Variants in F8 observed in about 807,000 individuals in gnomAD.
F8 encodes the protein antihemophilic factor.
Under a neutral mutation model 140.6 loss-of-function variants are expected in F8, and 12 were observed. The ratio of observed to expected loss-of-function variants is 0.09; its 90% CI spans 0.05 to 0.14. F8 has a LOEUF of 0.14. F8 is among the 10% of genes least tolerant of loss of function. The probability of loss-of-function intolerance (pLI) is 1.00; values close to 1 mark genes in which losing one functional copy is unlikely to be tolerated. For missense variants in F8, 1,354 were observed against 1,720.7 expected (o/e 0.79, Z 3.77); for synonymous variants, 585 against 614.6 (o/e 0.95, Z 0.71).
chrX:154,880,297 A>G (rs1176716600), intron 22 of F8, among the ~76,000 whole-genome samples: 2 of 111,894 alleles, frequency 1.8e-5, no homozygotes, highest in Non-Finnish European at 3.8e-5. Context: ...AAAGTAGCAG[A>G]TGCAAGAAGG....
At position 154,984,500 on chromosome X, in the gene F8, A is replaced by C. The variant is rs145392240; in HGVS notation, c.787+187T>G. On this transcript the variant is annotated intron_variant, in intron 6 of 25. Transcript: ENST00000360256. ...ACTGTGGGCTGTATGTACATGGGTA[A>C]GCCTTCATTTTCAGGTGACCAAAAG... is the stretch of plus-strand genomic sequence containing the variant. Among the ~76,000 whole-genome samples the C allele has an allele frequency of 9.2e-3, 1,032 of 111,765 alleles. 11 individuals are homozygous for C. The highest frequency in any genetic ancestry group is 0.032 in the African/African-American group (983 of 30,742).
chrX:154,848,811 C>G (rs2072591963), intron 25 of F8, among the ~76,000 whole-genome samples: 1 of 111,311 alleles, frequency 9.0e-6, no homozygotes, highest in Non-Finnish European at 1.9e-5. Flanking sequence ...CACTGTCCGA[C>G]AAGCCACAGT....
chrX:154,917,277 G>A (rs914938163), intron 14 of F8, among the ~76,000 whole-genome samples: 2 of 112,083 alleles, frequency 1.8e-5, no homozygotes, highest in Non-Finnish European at 3.8e-5. Context: ...TCTGTAAAAT[G>A]TCAGGTAGGT....
At chrX:154,998,318 C>T (rs940112980) in intron 2 of F8, among the ~76,000 whole-genome samples, 1 of 113,218 alleles carries the variant, frequency 8.8e-6, no homozygotes, top group African/African-American at 3.2e-5. Flanking sequence ...TGCTTTCCCA[C>T]CTTCCTCTCC....
chrX:154,869,095 T>C (rs1194265254), intron 22 of F8, among the ~76,000 whole-genome samples: 4 of 111,241 alleles, frequency 3.6e-5, no homozygotes, highest in Admixed American at 9.6e-5. Context: ...CACACAATAA[T>C]AGTGGGATAC....
At chrX:154,956,719 G>A (rs782472538) in intron 11 of F8, among the ~76,000 whole-genome samples, 3 of 111,256 alleles carry the variant, frequency 2.7e-5, no homozygotes, top group Non-Finnish European at 3.8e-5. Context: ...AAAATGGGGA[G>A]GATCAGCTAG....
intron 22 of F8, among the ~76,000 whole-genome samples, chrX:154,876,115 A>ATTT (rs58675912): frequency 2.2e-4 from 18 of 81,436 alleles, no homozygotes; most frequent in African/African-American, 3.6e-4. Context: ...TATCATGGGA[A>ATTT]TTTTTTTTTT....
chrX:154,844,522 G>T (rs2072547926), intron 25 of F8, among the ~76,000 whole-genome samples: 1 of 110,202 alleles, frequency 9.1e-6, no homozygotes, highest in South Asian at 3.9e-4. Context: ...TTGTAAGTTG[G>T]ATTCCTAGGT....
At chrX:154,961,232 G>A (rs2073394330) in intron 9 of F8, 64 bp from the exon 10 acceptor site, 2 of 730,184 alleles carry the variant, frequency 2.7e-6, no homozygotes, top group South Asian at 2.2e-5. Flanking sequence ...AGAAAACTGT[G>A]GTCTAACTCC....
In F8 at chrX:154,837,396, G is replaced by C; in HGVS notation, c.*201C>G. On this transcript the variant is annotated 3_prime_UTR_variant, in exon 26 of 26. Transcript: ENST00000360256. ...AATCTGGGAGCAGCTGCAGAAAATA[G>C]GTAAGAGTTAAGTTAAATTGGATGC... The C allele has an allele frequency of 4.5e-6, 2 of 445,621 alleles. No homozygotes were observed. The highest frequency in any genetic ancestry group is 7.7e-6 in the Non-Finnish European group (2 of 259,467). 36.7% of individuals were successfully genotyped at this position (445,621 alleles called of 1,213,427 possible). A position where few individuals can be genotyped will look rare whatever the true frequency, so the allele number is the denominator to read the frequency against.
intron 21 of F8, among the ~76,000 whole-genome samples, chrX:154,896,527 AC>A (rs2072981457): frequency 9.0e-6 from 1 of 110,714 alleles, no homozygotes; most frequent in South Asian, 3.8e-4. Flanking sequence ...ACACACACAC[AC>A]ACACACACAT....
At chrX:154,986,151 T>C (rs911837391) in intron 5 of F8, among the ~76,000 whole-genome samples, 1 of 112,219 alleles carries the variant, frequency 8.9e-6, no homozygotes, top group African/African-American at 3.2e-5. Context: ...AAACTGCATA[T>C]GCAGAGGTCT....
intron 22 of F8, among the ~76,000 whole-genome samples, chrX:154,879,112 AT>A (rs141652423): frequency 0.019 from 1,999 of 107,108 alleles, 47 homozygotes; most frequent in African/African-American, 0.063. Flanking sequence ...CCCAATGGCC[AT>A]TTTTTTTTTG....
chrX:154,868,548 A>C (rs2072748393), intron 22 of F8, among the ~76,000 whole-genome samples: 1 of 111,935 alleles, frequency 8.9e-6, no homozygotes, highest in African/African-American at 3.3e-5. Context: ...TGAAAGAAGC[A>C]CTAAACATGG....
In F8 at chrX:154,947,793, GAGA is replaced by G. The variant is rs1476178386; in HGVS notation, c.2015_2017del (p.Phe672del). 3 of 1,209,598 alleles carry G rather than the reference GAGA, an allele frequency of 2.5e-6. No homozygotes were observed. Among genetic ancestry groups the G allele is most frequent in the Non-Finnish European group, 3.4e-6 (3 of 893,498 alleles). On this transcript the variant is annotated inframe_deletion, in exon 13 of 26. Transcript: ENST00000360256. ...CATTTTGTGTTTGAAGGTATATCCA[GAGA>G]AGAAGACAGAAAGGAAGTCAGTCTG...
At chrX:154,956,115 T>C (rs2073363926) in intron 11 of F8, among the ~76,000 whole-genome samples, 1 of 112,353 alleles carries the variant, frequency 8.9e-6, no homozygotes, top group Non-Finnish European at 1.9e-5. Flanking sequence ...TATTCGCTTT[T>C]GCAAGAAGAG....
intron 1 of F8, among the ~76,000 whole-genome samples, chrX:155,013,170 A>G (rs1012209348): frequency 3.7e-4 from 38 of 102,821 alleles, no homozygotes; most frequent in Non-Finnish European, 6.8e-4. Flanking sequence ...AAAAAAAAAG[A>G]ATAGTCTTAC....
chrX:154,913,782 G>A (rs1170258593), intron 14 of F8, among the ~76,000 whole-genome samples: 1 of 112,834 alleles, frequency 8.9e-6, no homozygotes, highest in Non-Finnish European at 1.9e-5. Flanking sequence ...GCTTTGCAGG[G>A]TACAGCCCTG....
chrX:154,894,455 G>GTGCGGTGGCTTA (rs781942696), intron 22 of F8, among the ~76,000 whole-genome samples: 1,359 of 111,327 alleles, frequency 0.012, 24 homozygotes, highest in African/African-American at 0.042. Context: ...TACAGGCCGG[G>GTGCGGTGGCTTA]TGCCTGTAAT....
Sources: gnomAD v4.1 joint callset for allele counts (sites outside exome capture counted in the v4.1 genomes callset) on GRCh38, gnomAD v4.1.1 for gene constraint, MANE v1.5 for transcripts, NCBI Gene and HGNC (gene_info 2026-07-23, HGNC 2026-07-21) for gene names.